ERBB4: variants seen among roughly 807,000 people sequenced by gnomAD.
The protein encoded by ERBB4 is erb-b2 receptor tyrosine kinase 4.
ERBB4 carries 42 observed loss-of-function variants against 158.0 expected under a neutral mutation model. The ratio of observed to expected loss-of-function variants is 0.27; its 90% confidence interval spans 0.21 to 0.34. The LOEUF (loss-of-function observed/expected upper bound fraction) is 0.34, where lower values mean the gene tolerates loss of function less well. Among genes scored for constraint, ERBB4 ranks in the 10% least tolerant of loss-of-function variants. ERBB4 has a pLI of 1.00. For missense variants in ERBB4, 1,333 were observed against 1,624.1 expected, an observed-to-expected ratio of 0.82 and a Z score of 3.08; for synonymous variants, 583 against 558.7, an observed-to-expected ratio of 1.04 and a Z score of -0.61.
intron 1 of ERBB4, among the ~76,000 whole-genome samples, chr2:212,321,880 T>A (rs1037868023): frequency 6.6e-6 from 1 of 150,396 alleles, no homozygotes; most frequent in African/African-American, 2.4e-5. Flanking sequence ...CATAATTTCT[T>A]CAAAATGCTA....
At chr2:211,413,617 G>T (rs545484756) in intron 25 of ERBB4, among the ~76,000 whole-genome samples, 1 of 151,884 alleles carries the variant, frequency 6.6e-6, no homozygotes, top group African/African-American at 2.4e-5. Context: ...CAAAATTCTC[G>T]CACTATATCA....
chr2:211,923,770 T>C (rs933831875), intron 3 of ERBB4, among the ~76,000 whole-genome samples: 4 of 152,132 alleles, frequency 2.6e-5, no homozygotes, highest in African/African-American at 9.7e-5. Flanking sequence ...TTGCTGAGAC[T>C]AGAGTATAAT....
At chr2:211,752,716 A>G (rs1260353945) in intron 4 of ERBB4, among the ~76,000 whole-genome samples, 1 of 152,152 alleles carries the variant, frequency 6.6e-6, no homozygotes, top group Non-Finnish European at 1.5e-5. Context: ...CCCAGATTCA[A>G]TATAAAAAGG....
At chr2:212,498,854 G>C (rs1474757431) in intron 1 of ERBB4, among the ~76,000 whole-genome samples, 1 of 151,890 alleles carries the variant, frequency 6.6e-6, no homozygotes, top group Non-Finnish European at 1.5e-5. Context: ...TACAGGGGCA[G>C]TACATCTCTA....
chr2:211,515,894 T>TA (rs1172218511), intron 20 of ERBB4, among the ~76,000 whole-genome samples: 28 of 115,348 alleles, frequency 2.4e-4, no homozygotes, highest in African/African-American at 9.0e-4. Context: ...TAAAAACATA[T>TA]ATTATATATA....
chr2:212,462,695 T>A (rs921522604), intron 1 of ERBB4, among the ~76,000 whole-genome samples: 2 of 152,136 alleles, frequency 1.3e-5, no homozygotes, highest in Non-Finnish European at 2.9e-5. Flanking sequence ...ACAGTATGGA[T>A]GCTCCTCAAA....
intron 2 of ERBB4, among the ~76,000 whole-genome samples, chr2:212,109,140 G>T (rs979779335): frequency 6.6e-6 from 1 of 152,240 alleles, no homozygotes; most frequent in Middle Eastern, 3.4e-3. Context: ...ACATCTTTGG[G>T]TGCCTACAAC....
intron 2 of ERBB4, among the ~76,000 whole-genome samples, chr2:211,978,392 G>GTCTCTT (rs1165469722): frequency 1.2e-3 from 118 of 102,316 alleles, no homozygotes; most frequent in Admixed American, 4.1e-3. Context: ...CTGTCTGTCT[G>GTCTCTT]TCTGTCTATC....
intron 2 of ERBB4, among the ~76,000 whole-genome samples, chr2:212,061,984 C>G (rs1225167675): frequency 6.6e-6 from 1 of 152,032 alleles, no homozygotes; most frequent in Non-Finnish European, 1.5e-5. Flanking sequence ...ATCCACCTGC[C>G]TCGGCCTCCC....
chr2:211,477,256 A>G (rs769674597), intron 20 of ERBB4, among the ~76,000 whole-genome samples: 2 of 151,912 alleles, frequency 1.3e-5, no homozygotes, highest in Non-Finnish European at 2.9e-5. Flanking sequence ...GTGATTTTAG[A>G]TTTACCAAGT....
intron 2 of ERBB4, among the ~76,000 whole-genome samples, chr2:212,109,673 C>T (rs2079343650): frequency 6.6e-6 from 1 of 152,096 alleles, no homozygotes; most frequent in Non-Finnish European, 1.5e-5. Flanking sequence ...TTCTTCTATC[C>T]CTTTAGCAGC....
At chr2:212,365,506 A>C (rs973190046) in intron 1 of ERBB4, among the ~76,000 whole-genome samples, 22 of 151,894 alleles carry the variant, frequency 1.4e-4, no homozygotes, top group African/African-American at 5.3e-4. Flanking sequence ...CAAATTCAGC[A>C]TTACCAGTCA....
chr2:211,839,475 GT>G (rs2077423482), intron 3 of ERBB4, among the ~76,000 whole-genome samples: 1 of 151,972 alleles, frequency 6.6e-6, no homozygotes, highest in South Asian at 2.1e-4. Flanking sequence ...ATTCTGACTG[GT>G]CCCCAAAACA....
intron 1 of ERBB4, among the ~76,000 whole-genome samples, chr2:212,253,764 T>C (rs1382108851): frequency 6.6e-6 from 1 of 152,176 alleles, no homozygotes; most frequent in Non-Finnish European, 1.5e-5. Context: ...CATATGCCAG[T>C]TAATGAAGGG....
chr2:212,407,048 C>T (rs1460143426), intron 1 of ERBB4, among the ~76,000 whole-genome samples: 1 of 151,966 alleles, frequency 6.6e-6, no homozygotes, highest in East Asian at 1.9e-4. Flanking sequence ...TTCCCGAACC[C>T]CACTGCCCAT....
chr2:212,023,910 A>T (rs374143950), intron 2 of ERBB4, among the ~76,000 whole-genome samples: 1 of 151,092 alleles, frequency 6.6e-6, no homozygotes, highest in South Asian at 2.1e-4. Context: ...AAAAACTTAC[A>T]CACAAAATAT....
At chr2:211,857,468 T>C (rs929926704) in intron 3 of ERBB4, among the ~76,000 whole-genome samples, 5 of 151,800 alleles carry the variant, frequency 3.3e-5, no homozygotes, top group African/African-American at 9.7e-5. Context: ...TTAAACGGCA[T>C]TGCCTCTTGC....
intron 2 of ERBB4, among the ~76,000 whole-genome samples, chr2:211,987,497 A>G (rs1001448576): frequency 2.6e-5 from 4 of 152,032 alleles, no homozygotes; most frequent in South Asian, 4.1e-4. Context: ...AATCTTAAAG[A>G]AAAAAAGGAA....
intron 19 of ERBB4, among the ~76,000 whole-genome samples, chr2:211,567,125 C>T (rs973508826): frequency 2.0e-5 from 3 of 152,164 alleles, no homozygotes; most frequent in Non-Finnish European, 4.4e-5. Context: ...AATTAATTCT[C>T]AGCTGCAAAA....
Sources: allele counts gnomAD v4.1 joint callset (sites outside exome capture counted in the v4.1 genomes callset), GRCh38; gene constraint gnomAD v4.1.1; transcripts MANE v1.5; gene names NCBI Gene and HGNC (gene_info 2026-07-23, HGNC 2026-07-21).